Variants in IFT172 observed in about 807,000 individuals in gnomAD.
IFT172 encodes intraflagellar transport protein 172 homolog.
IFT172 carries 164 observed loss-of-function variants against 248.9 expected under a neutral mutation model. The ratio of observed to expected loss-of-function variants is 0.66; its 90% CI spans 0.58 to 0.75. The LOEUF (loss-of-function observed/expected upper bound fraction) is 0.75. IFT172 is among the 30% of genes least tolerant of loss of function. The pLI is 0.00. For missense variants in IFT172, 1,950 were observed against 2,192.4 expected, an observed-to-expected ratio of 0.89 and a Z score of 2.21; for synonymous variants, 729 against 791.6, an observed-to-expected ratio of 0.92 and a Z score of 1.33.
chr2:27,471,131 G>A, intron 15 of IFT172, 36 bp from the exon 16 acceptor site: 1 of 1,596,622 alleles, frequency 6.3e-7, no homozygotes, highest in Non-Finnish European at 8.5e-7. Context: ...CAATTACAAG[G>A]GGATGTGGGG....
chr2:27,480,954 C>T (rs1313472056), intron 8 of IFT172, 92 bp downstream of exon 8: 2 of 932,422 alleles, frequency 2.1e-6, no homozygotes, highest in Non-Finnish European at 3.4e-6. Flanking sequence ...GATTCTGCTC[C>T]AGTCTCGCAC....
Position 27,477,224 on chromosome 2 carries a change from G to A in IFT172, c.1318C>T (p.Leu440Phe). ...AGAATCTTGTGAGGTTACCTGATGA[G>A]GTGGGGGTTCATGAATTCAGTGCGT... ...SVRTEFMNPH[L>F]ISVRINERCQ... The change falls in exon 13 of 48, where the codon CTC becomes TTC. Residue 440 changes from leucine to phenylalanine, a missense_variant. Transcript: ENST00000260570. The A allele has an allele frequency of 6.2e-7, 1 of 1,613,176 alleles. No individual in the cohort carries two copies. Among genetic ancestry groups the A allele is most frequent in the African/African-American group, 1.3e-5 (1 of 75,014 alleles).
intron 14 of IFT172, 39 bp from the exon 15 acceptor site, chr2:27,472,401 C>T: frequency 1.3e-6 from 2 of 1,497,012 alleles, no homozygotes; most frequent in Non-Finnish European, 1.9e-6. Context: ...AGAGAGATTC[C>T]ACACATATAC....
chr2:27,459,968 G>A (rs1666520424), intron 23 of IFT172, 139 bp from the exon 24 acceptor site: 12 of 1,080,494 alleles, frequency 1.1e-5, no homozygotes, highest in East Asian at 7.1e-5. Flanking sequence ...CTGAACACAC[G>A]CACCAAGAGG....
intron 29 of IFT172, 66 bp from the exon 30 acceptor site, chr2:27,456,719 G>T: frequency 6.4e-7 from 1 of 1,564,558 alleles, no homozygotes. Context: ...TCTGACCTCG[G>T]CTTTGACAAG....
In IFT172 at chr2:27,470,945, T is replaced by C. The variant is rs1667518915; in HGVS notation, c.1675A>G (p.Thr559Ala). 3 of 1,606,446 alleles carry C rather than the reference T, an allele frequency of 1.9e-6. No homozygotes were observed. Among genetic ancestry groups the C allele is most frequent in the Admixed American group, 1.7e-5 (1 of 57,396 alleles). The change falls in exon 16 of 48, where the codon ACC (threonine) becomes GCC (alanine). Residue 559 changes from threonine (T) to alanine (A), a missense_variant. Coordinates refer to ENST00000260570, the MANE Select transcript of IFT172 (RefSeq NM_015662.3). ...CAACATACCCTAATAGTGAACATGG[T>C]GACTCTCTCAGGTGCCTCAATGTTG... ...WYNIEAPERV[T>A]MFTIRGDVIG...
chr2:27,448,261 A>G (rs1227783324), intron 40 of IFT172, among the ~76,000 whole-genome samples: 1 of 151,834 alleles, frequency 6.6e-6, no homozygotes, highest in Non-Finnish European at 1.5e-5. Context: ...CACCACGCCC[A>G]GCTAACTTTT....
In IFT172 at chr2:27,485,150, AAAAG is replaced by A. The variant is rs749213485; in HGVS notation, c.184-24_184-21del. On this transcript the variant is annotated intron_variant, in intron 2 of 47. Transcript: ENST00000260570. ...GCCATACTAAGAGTTTAAAAAAAAA[AAAAG>A]AAAGAAAAAGAAGTAATGAGTACAC... is the stretch of plus-strand genomic sequence containing the variant. 19 of 1,516,734 alleles carry A rather than the reference AAAAG, an allele frequency of 1.3e-5. No individual in the cohort carries two copies. The highest frequency in any genetic ancestry group is 9.8e-5 in the African/African-American group (7 of 71,450). 94.0% of individuals were successfully genotyped at this position (1,516,734 alleles called of 1,614,324 possible).
chr2:27,450,382 T>G (rs1436125402), intron 35 of IFT172, among the ~76,000 whole-genome samples: 1 of 152,194 alleles, frequency 6.6e-6, no homozygotes, highest in African/African-American at 2.4e-5. Context: ...AAAATCATTT[T>G]CAAGGTCTTT....
chr2:27,478,763 T>G (rs1049549445), intron 10 of IFT172, among the ~76,000 whole-genome samples: 7 of 151,882 alleles, frequency 4.6e-5, no homozygotes, highest in African/African-American at 4.8e-5. Context: ...AACAAAAGAA[T>G]GAAGAAACCA....
At chr2:27,488,256 C>G (rs1026061361) in intron 1 of IFT172, among the ~76,000 whole-genome samples, 4 of 152,106 alleles carry the variant, frequency 2.6e-5, no homozygotes, top group Non-Finnish European at 5.9e-5. Flanking sequence ...CGGGTTCAAG[C>G]GATTCTCCTT....
intron 7 of IFT172, among the ~76,000 whole-genome samples, chr2:27,481,634 A>C (rs1261275507): frequency 6.7e-6 from 1 of 149,968 alleles, no homozygotes; most frequent in African/African-American, 2.5e-5. Context: ...CCGCCTCCCC[A>C]GGTTCAAGCG....
chr2:27,462,017 C>T (rs1485302819), intron 20 of IFT172, among the ~76,000 whole-genome samples, 181 bp from the exon 21 acceptor site: 2 of 152,194 alleles, frequency 1.3e-5, no homozygotes, highest in Non-Finnish European at 2.9e-5. Flanking sequence ...CTTATTTGCA[C>T]ACACCCTTTC....
At chr2:27,479,284 C>T (rs1186825955) in intron 10 of IFT172, among the ~76,000 whole-genome samples, 1 of 152,202 alleles carries the variant, frequency 6.6e-6, no homozygotes, top group Non-Finnish European at 1.5e-5. Flanking sequence ...GGATTACAGG[C>T]ATGAGCCACT....
In IFT172 at chr2:27,450,068, G is replaced by A. The variant is rs1319050867; in HGVS notation, c.3980C>T (p.Pro1327Leu). ...AACGACTTCCATATTACGTTGGGGA[G>A]GCAGAAACTTGATGGAGAGTTCAGC... ...KAAELSIKFL[P>L]PQRNMEVVLA... The change falls in exon 36 of 48, where the codon CCT becomes CTT. Residue 1327 changes from proline to leucine, a missense_variant. By Grantham distance (98) the Pro-to-Leu change is moderately conservative. This residue lies in a region of IFT172 where 620 missense variants were observed against 699.0 expected (regional missense o/e 0.89). Transcript: ENST00000260570. The A allele has an allele frequency of 2.5e-6, 4 of 1,614,022 alleles. No individual in the cohort carries two copies. Among genetic ancestry groups the A allele is most frequent in the Admixed American group, 3.3e-5 (2 of 59,984 alleles).
intron 7 of IFT172, 67 bp downstream of exon 7, chr2:27,483,222 G>A (rs1668512102): frequency 2.2e-6 from 2 of 892,478 alleles, no homozygotes; most frequent in Non-Finnish European, 1.9e-6. Context: ...TCACTGTGTT[G>A]CCCATGCTGG....
intron 35 of IFT172, among the ~76,000 whole-genome samples, chr2:27,452,596 GT>G (rs1665771632): frequency 6.6e-6 from 1 of 152,184 alleles, no homozygotes; most frequent in African/African-American, 2.4e-5. Flanking sequence ...CTAGGTAGAG[GT>G]TGCGTAGAGC....
intron 14 of IFT172, among the ~76,000 whole-genome samples, chr2:27,474,949 ACAGG>A (rs572065457): frequency 7.5e-4 from 115 of 152,320 alleles, no homozygotes; most frequent in African/African-American, 2.2e-3. Context: ...AAGACAAGCC[ACAGG>A]CTGAGGCAAA....
At position 27,458,731 on chromosome 2, in the gene IFT172, A is replaced by C. The variant is rs780106; in HGVS notation, c.2877+48T>G. ...ACAGGTATCAAGGAATGAGGCCACA[A>C]TGCCACTAAGGCAGAGTTCTCTTAT... On this transcript the variant is annotated intron_variant, in intron 26 of 47. Coordinates refer to ENST00000260570, the MANE Select transcript of IFT172 (RefSeq NM_015662.3). The C allele has an allele frequency of 0.4, 642,603 of 1,598,526 alleles. 135,281 individuals carry two copies. Among genetic ancestry groups the C allele is most frequent in the African/African-American group, 0.67 (49,961 of 74,436 alleles).
Sources: allele counts gnomAD v4.1 joint callset (sites outside exome capture counted in the v4.1 genomes callset), GRCh38; gene constraint gnomAD v4.1.1; regional missense constraint gnomAD v4.1.1; transcripts MANE v1.5; gene names NCBI Gene and HGNC (gene_info 2026-07-23, HGNC 2026-07-21).